PODN: variants seen among roughly 807,000 people sequenced by gnomAD.
PODN encodes the protein podocan, also known as podocan proteoglycan.
In PODN, 40 loss-of-function variants were observed where a neutral mutation model predicts 52.7. The ratio of observed to expected loss-of-function variants is 0.76; its 90% CI spans 0.59 to 0.99. The LOEUF (loss-of-function observed/expected upper bound fraction) is 0.99, where lower values mean the gene tolerates loss of function less well. Ranked by LOEUF, PODN falls within the 50% of genes least tolerant of loss-of-function variation. PODN has a pLI of 0.00. For synonymous variants in PODN, 396 were observed against 377.9 expected (o/e 1.05, Z -0.56); for missense variants, 720 against 815.1 (o/e 0.88, Z 1.42).
At chr1:53,074,575 C>T (rs756022129) in intron 3 of PODN, 31 bp from the exon 4 acceptor site, 9 of 1,613,346 alleles carry the variant, frequency 5.6e-6, no homozygotes, top group African/African-American at 2.7e-5. Flanking sequence ...CTCCTCCATC[C>T]AGGGCTCTGA....
intron 8 of PODN, among the ~76,000 whole-genome samples, chr1:53,079,509 G>A (rs1298364263): frequency 6.6e-6 from 1 of 152,126 alleles, no homozygotes; most frequent in Non-Finnish European, 1.5e-5. Context: ...TTTGGGATGG[G>A]AGGCAGAGGG....
chr1:53,066,950 C>T, intron 1 of PODN: 1 of 1,389,606 alleles, frequency 7.2e-7, no homozygotes, highest in Non-Finnish European at 9.9e-7. Context: ...AATTTGGGAC[C>T]TGGGCCTGTG....
intron 1 of PODN, among the ~76,000 whole-genome samples, chr1:53,069,073 A>G (rs1450053448): frequency 6.6e-6 from 1 of 152,148 alleles, no homozygotes; most frequent in Non-Finnish European, 1.5e-5. Flanking sequence ...AGTTGCTCAC[A>G]GCTCTCTGTG....
At chr1:53,069,469 T>A (rs1385262555) in intron 1 of PODN, among the ~76,000 whole-genome samples, 1 of 151,564 alleles carries the variant, frequency 6.6e-6, no homozygotes, top group African/African-American at 2.4e-5. Flanking sequence ...AGGCAGGGGG[T>A]CTTCCCACAC....
intron 2 of PODN, 108 bp from the exon 3 acceptor site, chr1:53,071,427 C>T (rs1644115009): frequency 2.1e-6 from 2 of 945,016 alleles, no homozygotes; most frequent in South Asian, 3.4e-5. Context: ...AAGGGAGGTG[C>T]CCAGCAGGTG....
At chr1:53,063,423 G>A in intron 1 of PODN, 1 of 985,650 alleles carries the variant, frequency 1.0e-6, no homozygotes, top group Non-Finnish European at 1.2e-6. Context: ...GGTGTGAACC[G>A]GGAGAGCCCC....
At chr1:53,076,994 C>T (rs750443616) in intron 5 of PODN, among the ~76,000 whole-genome samples, 196 bp from the exon 6 acceptor site, 2 of 152,202 alleles carry the variant, frequency 1.3e-5, no homozygotes, top group Non-Finnish European at 2.9e-5. Flanking sequence ...TATGGGACCA[C>T]CTGTGGTGGG....
At chr1:53,063,319 C>G (rs1337035974) in intron 1 of PODN, 1 of 976,460 alleles carries the variant, frequency 1.0e-6, no homozygotes, top group Admixed American at 6.2e-5. Context: ...GCTCACCCAG[C>G]GCTTGGAGTG....
chr1:53,067,026 T>A (rs1167231313), intron 1 of PODN, among the ~76,000 whole-genome samples: 1 of 152,144 alleles, frequency 6.6e-6, no homozygotes, highest in Non-Finnish European at 1.5e-5. Context: ...CTAATGGCTG[T>A]TGAGCTGGCC....
intron 2 of PODN, chr1:53,070,961 G>T (rs1644108413): frequency 6.5e-6 from 1 of 152,910 alleles, no homozygotes. Context: ...TGGAGGCAGG[G>T]CCCGGCGTTC....
At chr1:53,068,542 TATCACCTC>T (rs2150293671) in intron 1 of PODN, among the ~76,000 whole-genome samples, 1 of 152,318 alleles carries the variant, frequency 6.6e-6, no homozygotes, top group Admixed American at 6.5e-5. Flanking sequence ...TGCATCACCT[TATCACCTC>T]ATCACCTAAA....
intron 1 of PODN, among the ~76,000 whole-genome samples, 187 bp from the exon 2 acceptor site, chr1:53,069,614 A>G (rs960556500): frequency 1.3e-5 from 2 of 152,238 alleles, no homozygotes; most frequent in Non-Finnish European, 2.9e-5. Context: ...CAGACCTGCC[A>G]GAGGACAGGG....
At chr1:53,067,348 A>G (rs1161604190) in intron 1 of PODN, among the ~76,000 whole-genome samples, 1 of 150,384 alleles carries the variant, frequency 6.6e-6, no homozygotes, top group Non-Finnish European at 1.5e-5. Context: ...CTGCCCCCTC[A>G]CCCCCAGTCT....
chr1:53,080,603 AC>A (rs1191671499), intron 8 of PODN, 124 bp from the exon 9 acceptor site: 35 of 1,012,260 alleles, frequency 3.5e-5, no homozygotes, highest in Middle Eastern at 3.0e-4. Context: ...AATTATAGAC[AC>A]CCCCCCTCCT....
chr1:53,078,407 C>A lies in PODN; in HGVS notation c.897C>A (p.Asn299Lys). 6.2e-7 allele frequency: 1 copy of A among 1,613,542 alleles called. No homozygotes were observed. The highest frequency in any genetic ancestry group is 8.5e-7 in the Non-Finnish European group (1 of 1,180,018). ...SLEYLDLSSN[N>K]LSRVPAGLPR... ...AGTACCTGGATCTGTCCAGCAACAA[C>A]CTGTCTCGGGTCCCAGCTGGGCTGC... is the stretch of plus-strand genomic sequence containing the variant. The change falls in exon 8 of 11, where the codon AAC (asparagine) becomes AAA (lysine). Residue 299 changes from asparagine to lysine, a missense_variant. By Grantham distance (94) the Asn-to-Lys change is moderately conservative. Coordinates refer to ENST00000312553, the MANE Select transcript of PODN (RefSeq NM_153703.5).
chr1:53,077,117 A>G (rs934051501), intron 5 of PODN, 73 bp from the exon 6 acceptor site: 38 of 1,557,916 alleles, frequency 2.4e-5, no homozygotes, highest in Non-Finnish European at 3.3e-5. Context: ...GCAAGGGTTT[A>G]GAGGCTCACC....
At chr1:53,081,933 T>C (rs763093185) in intron 9 of PODN, 48 bp from the exon 10 acceptor site, 1 of 1,550,538 alleles carries the variant, frequency 6.4e-7, no homozygotes, top group East Asian at 2.3e-5. Flanking sequence ...AAGGGAGGGT[T>C]CCTTGGGGGT....
Position 53,071,520 on chromosome 1 carries a change from C to T in PODN, c.313-15C>T, listed in dbSNP as rs1291611891. Reference sequence around the variant, plus strand: ...TAGGCTGATGCTGCTTCCTTGCGGCCCCCTACCCCCCTAGAACAACCAGCT... The same window carrying T: ...TAGGCTGATGCTGCTTCCTTGCGGCTCCCTACCCCCCTAGAACAACCAGCT... On this transcript the variant is annotated splice_polypyrimidine_tract_variant and intron_variant, in intron 2 of 10. Coordinates refer to ENST00000312553, the MANE Select transcript of PODN (RefSeq NM_153703.5). 1 of 1,608,672 alleles carries T rather than the reference C, an allele frequency of 6.2e-7. No homozygotes were observed. Among genetic ancestry groups the T allele is most frequent in the Admixed American group, 1.7e-5 (1 of 59,776 alleles).
At chr1:53,069,667 T>C (rs1479920077) in intron 1 of PODN, 134 bp from the exon 2 acceptor site, 1 of 1,301,600 alleles carries the variant, frequency 7.7e-7, no homozygotes, top group East Asian at 2.7e-5. Flanking sequence ...CTGGTGGGGG[T>C]TGGGCAGGTG....
Sources: gnomAD v4.1 joint callset for allele counts (sites outside exome capture counted in the v4.1 genomes callset) on GRCh38, gnomAD v4.1.1 for gene constraint, MANE v1.5 for transcripts, NCBI Gene and HGNC (gene_info 2026-07-23, HGNC 2026-07-21) for gene names.